Variants in TIA1 observed in about 807,000 individuals in gnomAD.
TIA1 encodes TIA1 cytotoxic granule associated RNA binding protein.
Under a neutral mutation model 65.9 loss-of-function variants are expected in TIA1, and 23 were observed. The ratio of observed to expected loss-of-function variants is 0.35; its 90% CI spans 0.25 to 0.49. The LOEUF is 0.49. Ranked by LOEUF, TIA1 falls within the 20% of genes least tolerant of loss-of-function variation. The pLI is 0.98. For missense variants in TIA1, 371 were observed against 477.9 expected, an observed-to-expected ratio of 0.78 and a Z score of 2.09; for synonymous variants, 147 against 149.4, an observed-to-expected ratio of 0.98 and a Z score of 0.12.
At chr2:70,217,322 C>T (rs1464341815) in intron 7 of TIA1, among the ~76,000 whole-genome samples, 2 of 152,158 alleles carry the variant, frequency 1.3e-5, no homozygotes, top group Non-Finnish European at 2.9e-5. Flanking sequence ...CAGGCATCTG[C>T]CACCATGCCT....
At chr2:70,245,443 T>C (rs2104782228) in intron 1 of TIA1, among the ~76,000 whole-genome samples, 1 of 152,334 alleles carries the variant, frequency 6.6e-6, no homozygotes, top group Admixed American at 6.5e-5. Flanking sequence ...TTTGAGGGAA[T>C]TAACTTTCAT....
At chr2:70,241,277 T>TA (rs1248437597) in intron 1 of TIA1, among the ~76,000 whole-genome samples, 1 of 151,904 alleles carries the variant, frequency 6.6e-6, no homozygotes, top group Admixed American at 6.6e-5. Context: ...CCGTCTCTAC[T>TA]AAAAAATACA....
intron 3 of TIA1, among the ~76,000 whole-genome samples, chr2:70,229,565 T>C (rs115071850): frequency 0.011 from 1,688 of 152,308 alleles, 17 homozygotes; most frequent in African/African-American, 0.038. Flanking sequence ...TATTATTTTT[T>C]TTCCTTTCAT....
chr2:70,224,408 GACAAA>G (rs1175853457), intron 7 of TIA1, 141 bp downstream of exon 7: 10 of 1,178,754 alleles, frequency 8.5e-6, no homozygotes, highest in African/African-American at 6.2e-5. Flanking sequence ...ATGTTAAACA[GACAAA>G]ACAGAAGAAA....
intron 2 of TIA1, among the ~76,000 whole-genome samples, chr2:70,232,606 T>C (rs925089760): frequency 1.4e-5 from 2 of 142,036 alleles, no homozygotes; most frequent in African/African-American, 2.6e-5. Context: ...CAGTAGCTCA[T>C]GCCTGTAATC....
rs191547143 is a variant in TIA1 at position 70,214,564 on chromosome 2, A to G, written c.889-70T>C. ...ACAATCCTAATATGCTGATACCACAAATTCTTAGCCAAAACACACAGGGCC... is the reference window on the plus strand; with the variant it reads ...ACAATCCTAATATGCTGATACCACAGATTCTTAGCCAAAACACACAGGGCC... On this transcript the variant is annotated intron_variant, in intron 11 of 12. Transcript: ENST00000433529. The G allele has an allele frequency of 1.1e-5, 14 of 1,256,070 alleles. No homozygotes were observed. In the Admixed American group the frequency reaches 4.1e-4, roughly 37 times the overall value. 77.8% of individuals were successfully genotyped at this position (1,256,070 alleles called of 1,614,324 possible).
At chr2:70,242,158 T>C (rs1277055564) in intron 1 of TIA1, among the ~76,000 whole-genome samples, 2 of 151,848 alleles carry the variant, frequency 1.3e-5, no homozygotes, top group Non-Finnish European at 2.9e-5. Flanking sequence ...CGCAAAACCC[T>C]CCCCCGCAAA....
At position 70,230,874 on chromosome 2, in the gene TIA1, A is replaced by G. The variant is rs1447531217; in HGVS notation, c.124-20T>C. ...AGCTGTCTGTGGGAGAAGAAACACA[A>G]AAGCCAATTTTAAGCTTTATTCACC... On this transcript the variant is annotated intron_variant, in intron 2 of 12. Coordinates refer to ENST00000433529, the MANE Select transcript of TIA1 (RefSeq NM_022173.4). 1.3e-6 allele frequency: 2 copies of G among 1,580,636 alleles called. No individual in the cohort carries two copies. The highest frequency in any genetic ancestry group is 3.8e-5 in the Admixed American group (2 of 51,968).
At chr2:70,235,391 G>C (rs1353536530) in intron 2 of TIA1, among the ~76,000 whole-genome samples, 1 of 152,044 alleles carries the variant, frequency 6.6e-6, no homozygotes, top group Non-Finnish European at 1.5e-5. Context: ...TTCCAGCCTG[G>C]GCAACAAGAG....
In TIA1 at chr2:70,246,971, A is replaced by T. The variant is rs553537429; in HGVS notation, c.26+1434T>A. ...GATACTTCTGCAGTTTCTAAAATTA[A>T]ACATTTTCAAACTAATACTGAGAAT... On this transcript the variant is annotated intron_variant, in intron 1 of 12. Transcript: ENST00000433529. 2.6e-5 allele frequency among the ~76,000 whole-genome samples: 4 copies of T among 152,326 alleles called. No individual in the cohort carries two copies. In the South Asian group the frequency reaches 8.3e-4, roughly 32 times the overall value.
chr2:70,223,439 T>C lies in TIA1; in HGVS notation c.474+1115A>G, dbSNP rs1489722659. Among the ~76,000 whole-genome samples the C allele has an allele frequency of 3.3e-5, 5 of 152,306 alleles. No individual in the cohort carries two copies. The South Asian group carries it at 1.0e-3, about 32-fold the overall frequency. ...TTACAATTTTCAACTTTTTTTTTCT[T>C]GAGACAGGGCCTCACTTTGTCACCC... On this transcript the variant is annotated intron_variant, in intron 7 of 12. Coordinates refer to ENST00000433529, the MANE Select transcript of TIA1 (RefSeq NM_022173.4).
chr2:70,209,478 C>T lies in TIA1; in HGVS notation c.*3241G>A, dbSNP rs1675932098. 2 of 397,422 alleles carry T rather than the reference C, an allele frequency of 5.0e-6. No homozygotes were observed. The highest frequency in any genetic ancestry group is 8.9e-6 in the Non-Finnish European group (2 of 225,798). The allele number at this position is 397,422 out of a possible 1,614,324, so 24.6% of individuals were successfully genotyped here. On this transcript the variant is annotated 3_prime_UTR_variant, in exon 13 of 13. Coordinates refer to ENST00000433529, the MANE Select transcript of TIA1 (RefSeq NM_022173.4). The stretch of plus-strand genomic sequence containing the variant: ...GACACACTCACACATTTTATTAAGG[C>T]TCTTAAATTGAAACTCATCATTTTG...
At position 70,209,919 on chromosome 2, in the gene TIA1, T is replaced by A; in HGVS notation, c.*2800A>T. 2.6e-6 allele frequency: 1 copy of A among 390,842 alleles called. No individual in the cohort carries two copies. The highest frequency in any genetic ancestry group is 4.5e-6 in the Non-Finnish European group (1 of 221,646). 24.2% of individuals were successfully genotyped at this position (390,842 alleles called of 1,614,324 possible). ...ATGGAATAGAACTATAACACACAAATAAAAGGAAGATGTACAAGCACAGGG... is the reference window on the plus strand; with the variant it reads ...ATGGAATAGAACTATAACACACAAAAAAAAGGAAGATGTACAAGCACAGGG... On this transcript the variant is annotated 3_prime_UTR_variant, in exon 13 of 13. Coordinates refer to ENST00000433529, the MANE Select transcript of TIA1 (RefSeq NM_022173.4).
intron 5 of TIA1, chr2:70,228,573 T>TTTTG (rs1414213345): frequency 3.6e-6 from 4 of 1,105,376 alleles, no homozygotes; most frequent in Non-Finnish European, 4.5e-6. Context: ...AAAAGACAAT[T>TTTTG]ATCAAAAAAA....
chr2:70,221,788 TA>T (rs574092634), intron 7 of TIA1, among the ~76,000 whole-genome samples: 50 of 142,656 alleles, frequency 3.5e-4, no homozygotes, highest in Non-Finnish European at 5.0e-4. Flanking sequence ...TTGTATACTT[TA>T]AAAAAAAAAT....
At chr2:70,231,763 T>C (rs903769528) in intron 2 of TIA1, among the ~76,000 whole-genome samples, 18 of 152,336 alleles carry the variant, frequency 1.2e-4, no homozygotes, top group Admixed American at 1.2e-3. Flanking sequence ...GCAGAAAATC[T>C]TAGCCAACCT....
upstream of TIA1, chr2:70,248,765 C>A (rs1296639080): frequency 7.7e-6 from 3 of 391,428 alleles, no homozygotes; most frequent in East Asian, 8.2e-5. Context: ...CTCTTCCACC[C>A]GACGCGAGGG....
intron 2 of TIA1, among the ~76,000 whole-genome samples, chr2:70,231,582 C>A (rs1370726558): frequency 2.0e-5 from 3 of 152,042 alleles, no homozygotes; most frequent in Non-Finnish European, 4.4e-5. Flanking sequence ...TACACATACC[C>A]CATCATCATA....
At chr2:70,225,495 C>T in intron 6 of TIA1, 1 of 1,192,976 alleles carries the variant, frequency 8.4e-7, no homozygotes, top group South Asian at 1.3e-5. Flanking sequence ...TTGTGCTTCA[C>T]AGGCAATCTG....
Sources: gnomAD v4.1 joint callset for allele counts (sites outside exome capture counted in the v4.1 genomes callset) on GRCh38, gnomAD v4.1.1 for gene constraint, MANE v1.5 for transcripts, NCBI Gene and HGNC (gene_info 2026-07-23, HGNC 2026-07-21) for gene names.